Variants in L3MBTL4 observed in about 807,000 individuals in gnomAD.
The protein encoded by L3MBTL4 is L3MBTL histone methyl-lysine binding protein 4.
Under a neutral mutation model 84.5 loss-of-function variants are expected in L3MBTL4, and 70 were observed. The ratio of observed to expected loss-of-function variants is 0.83; its 90% CI spans 0.68 to 1.01. The LOEUF is 1.01. Ranked by LOEUF, L3MBTL4 falls within the 50% of genes least tolerant of loss-of-function variation. L3MBTL4 has a pLI of 0.00. For missense variants in L3MBTL4, 715 were observed against 754.8 expected (o/e 0.95, Z 0.62); for synonymous variants, 274 against 259.8 (o/e 1.05, Z -0.52).
intron 14 of L3MBTL4, among the ~76,000 whole-genome samples, chr18:6,128,348 G>A (rs763440062): frequency 3.3e-4 from 50 of 152,082 alleles, no homozygotes; most frequent in Non-Finnish European, 3.5e-4. Flanking sequence ...CAAATAAAAT[G>A]AGAACACCTC....
At chr18:6,236,261 G>C (rs1443169163) in intron 10 of L3MBTL4, among the ~76,000 whole-genome samples, 1 of 152,200 alleles carries the variant, frequency 6.6e-6, no homozygotes, top group East Asian at 1.9e-4. Context: ...AAAAAGAACT[G>C]AGGGACCTGA....
chr18:6,004,158 T>C (rs2054352627), intron 16 of L3MBTL4, among the ~76,000 whole-genome samples: 1 of 152,138 alleles, frequency 6.6e-6, no homozygotes, highest in Non-Finnish European at 1.5e-5. Flanking sequence ...AAAAAACGAA[T>C]ACTCAAATTA....
At chr18:6,335,464 A>T (rs1427321495) in intron 1 of L3MBTL4, among the ~76,000 whole-genome samples, 4 of 152,178 alleles carry the variant, frequency 2.6e-5, no homozygotes, top group Non-Finnish European at 5.9e-5. Flanking sequence ...GAGTGTCATG[A>T]CTACTCTAAA....
At chr18:6,009,381 C>T (rs2054631809) in intron 16 of L3MBTL4, among the ~76,000 whole-genome samples, 1 of 152,152 alleles carries the variant, frequency 6.6e-6, no homozygotes, top group Non-Finnish European at 1.5e-5. Flanking sequence ...GTCCAGGCTG[C>T]CCAGGAGCCT....
intron 18 of L3MBTL4, among the ~76,000 whole-genome samples, chr18:5,958,119 A>C (rs865803205): frequency 1.1e-4 from 6 of 52,632 alleles, no homozygotes; most frequent in African/African-American, 5.2e-4. Flanking sequence ...GAAGAAGAAG[A>C]AGAAGAAGAA....
At chr18:5,971,336 C>T (rs1032611654) in intron 16 of L3MBTL4, among the ~76,000 whole-genome samples, 1 of 152,156 alleles carries the variant, frequency 6.6e-6, no homozygotes, top group Admixed American at 6.5e-5. Context: ...GGAGTTAAAG[C>T]CCTGCACTCT....
At chr18:6,082,916 T>C (rs974179382) in intron 15 of L3MBTL4, among the ~76,000 whole-genome samples, 13 of 152,180 alleles carry the variant, frequency 8.5e-5, no homozygotes, top group Non-Finnish European at 1.5e-4. Context: ...GGTAGGTACA[T>C]ACTAAGGACT....
At chr18:6,351,700 T>C (rs989959694) in intron 1 of L3MBTL4, among the ~76,000 whole-genome samples, 24 of 151,864 alleles carry the variant, frequency 1.6e-4, no homozygotes, top group African/African-American at 3.4e-4. Flanking sequence ...CACAGGCGCC[T>C]GCCACCACCC....
At chr18:6,360,073 G>T (rs2053616218) in intron 1 of L3MBTL4, among the ~76,000 whole-genome samples, 1 of 152,212 alleles carries the variant, frequency 6.6e-6, no homozygotes, top group Non-Finnish European at 1.5e-5. Flanking sequence ...TAAGGAGAAT[G>T]TTAAAGCCAG....
At chr18:6,130,156 G>A (rs146934128) in intron 14 of L3MBTL4, among the ~76,000 whole-genome samples, 4 of 152,196 alleles carry the variant, frequency 2.6e-5, no homozygotes, top group African/African-American at 9.6e-5. Flanking sequence ...AGGAATAGTG[G>A]GGCGATTTGC....
chr18:6,105,919 T>A (rs951774848), intron 14 of L3MBTL4, among the ~76,000 whole-genome samples: 15 of 151,982 alleles, frequency 9.9e-5, no homozygotes, highest in Non-Finnish European at 1.8e-4. Context: ...AAAGATACCA[T>A]CAAAACACAA....
At chr18:6,188,883 C>T (rs1012204006) in intron 12 of L3MBTL4, among the ~76,000 whole-genome samples, 48 of 152,216 alleles carry the variant, frequency 3.2e-4, no homozygotes, top group African/African-American at 1.1e-3. Context: ...CATTTGAAAC[C>T]AGAGATGAAC....
At chr18:6,146,991 G>A (rs917615479) in intron 13 of L3MBTL4, among the ~76,000 whole-genome samples, 6 of 152,026 alleles carry the variant, frequency 3.9e-5, no homozygotes, top group East Asian at 1.9e-4. Context: ...TTATGTTCTC[G>A]GTGAAACAGG....
intron 1 of L3MBTL4, among the ~76,000 whole-genome samples, chr18:6,362,764 T>C (rs745772678): frequency 6.6e-6 from 1 of 152,228 alleles, no homozygotes; most frequent in Admixed American, 6.5e-5. Context: ...GCACTTTCTG[T>C]ACAGGGTATT....
chr18:6,175,475 C>A (rs1050048634), intron 12 of L3MBTL4, among the ~76,000 whole-genome samples: 2 of 152,132 alleles, frequency 1.3e-5, no homozygotes, highest in Non-Finnish European at 2.9e-5. Context: ...CAGATGAAAA[C>A]TACGATCTAC....
intron 16 of L3MBTL4, among the ~76,000 whole-genome samples, chr18:6,000,665 G>T (rs1388176098): frequency 1.3e-5 from 2 of 152,164 alleles, no homozygotes; most frequent in Non-Finnish European, 2.9e-5. Flanking sequence ...ATCTATATAT[G>T]TGAATGTACT....
At chr18:6,228,850 T>C (rs1050839853) in intron 10 of L3MBTL4, among the ~76,000 whole-genome samples, 1 of 152,132 alleles carries the variant, frequency 6.6e-6, no homozygotes, top group Non-Finnish European at 1.5e-5. Flanking sequence ...AATGCCTAAC[T>C]TGAAGTTAGA....
intron 7 of L3MBTL4, 111 bp from the exon 8 acceptor site, chr18:6,241,560 A>G (rs930829512): frequency 2.2e-5 from 13 of 590,302 alleles, no homozygotes; most frequent in Non-Finnish European, 3.6e-5. Context: ...CTTTTAATGG[A>G]AAAAAAACGC....
intron 16 of L3MBTL4, among the ~76,000 whole-genome samples, chr18:6,056,143 C>G (rs2057014789): frequency 6.6e-6 from 1 of 151,988 alleles, no homozygotes. Flanking sequence ...AACAGTGAGA[C>G]AGCGATTCTG....
Sources: allele counts gnomAD v4.1 joint callset (sites outside exome capture counted in the v4.1 genomes callset), GRCh38; gene constraint gnomAD v4.1.1; transcripts MANE v1.5; gene names NCBI Gene and HGNC (gene_info 2026-07-23, HGNC 2026-07-21).